The following CRTAC1 variants were observed in gnomAD, a reference collection of about 807,000 sequenced individuals.
The protein encoded by CRTAC1 is cartilage acidic protein 1.
A neutral mutation model predicts 67.8 loss-of-function variants in CRTAC1; 37 were observed. The observed-to-expected ratio is 0.55, with a 90% CI of 0.42 to 0.72. The LOEUF is 0.72. Among genes scored for constraint, CRTAC1 ranks in the 30% least tolerant of loss-of-function variants. The pLI is 0.00. For synonymous variants in CRTAC1, 348 were observed against 371.0 expected, an observed-to-expected ratio of 0.94 and a Z score of 0.71; for missense variants, 780 against 931.6, an observed-to-expected ratio of 0.84 and a Z score of 2.12.
At chr10:97,874,887 C>T (rs114525892) in intron 14 of CRTAC1, among the ~76,000 whole-genome samples, 80 of 152,290 alleles carry the variant, frequency 5.3e-4, no homozygotes, top group African/African-American at 1.9e-3. Context: ...TACTCTTCTC[C>T]AGCCCTCCAT....
chr10:97,886,314 A>T (rs954005520), intron 11 of CRTAC1, among the ~76,000 whole-genome samples: 1 of 151,812 alleles, frequency 6.6e-6, no homozygotes, highest in African/African-American at 2.4e-5. Flanking sequence ...TGCTGCTGCC[A>T]TGCTGTGAGC....
intron 12 of CRTAC1, 50 bp downstream of exon 12, chr10:97,884,156 G>A (rs1205280499): frequency 6.5e-7 from 1 of 1,539,030 alleles, no homozygotes; most frequent in Non-Finnish European, 8.8e-7. Flanking sequence ...CCATGGGGTT[G>A]TGGGTGGTGC....
At chr10:97,970,577 C>T (rs1251800836) in intron 2 of CRTAC1, among the ~76,000 whole-genome samples, 2 of 152,248 alleles carry the variant, frequency 1.3e-5, no homozygotes, top group African/African-American at 4.8e-5. Flanking sequence ...CAGCTAACCA[C>T]AGGGCTCCCT....
At chr10:97,867,169 T>C (rs1218064243) in intron 14 of CRTAC1, 1 of 152,124 alleles carries the variant, frequency 6.6e-6, no homozygotes, top group East Asian at 1.9e-4. Flanking sequence ...TTTAAGGCTT[T>C]GTAGGTGAGG....
chr10:97,898,825 G>A (rs1036074376), intron 8 of CRTAC1, among the ~76,000 whole-genome samples: 1 of 152,164 alleles, frequency 6.6e-6, no homozygotes, highest in Non-Finnish European at 1.5e-5. Context: ...GGGTGACCCT[G>A]CACACCGCAG....
At chr10:97,874,534 ATC>A (rs2050125473) in intron 14 of CRTAC1, among the ~76,000 whole-genome samples, 1 of 152,104 alleles carries the variant, frequency 6.6e-6, no homozygotes, top group Admixed American at 6.5e-5. Flanking sequence ...CGTCCTGCCC[ATC>A]TCTCCCACCA....
intron 5 of CRTAC1, 122 bp from the exon 6 acceptor site, chr10:97,908,269 G>A: frequency 1.9e-6 from 2 of 1,036,832 alleles, no homozygotes; most frequent in South Asian, 1.6e-5. Context: ...AGCCTGGGGG[G>A]AATTCTGCTT....
chr10:97,961,851 A>G (rs547345645), intron 2 of CRTAC1, among the ~76,000 whole-genome samples: 1 of 152,306 alleles, frequency 6.6e-6, no homozygotes, highest in South Asian at 2.1e-4. Flanking sequence ...TGCTCCATGC[A>G]TTGATCCCAC....
At chr10:97,887,624 A>G (rs1368933717) in intron 11 of CRTAC1, among the ~76,000 whole-genome samples, 1 of 152,220 alleles carries the variant, frequency 6.6e-6, no homozygotes, top group East Asian at 1.9e-4. Context: ...TGAGATAAGC[A>G]GGCCTCAGAA....
intron 14 of CRTAC1, chr10:97,869,133 G>A (rs1293162323): frequency 6.6e-6 from 1 of 152,366 alleles, no homozygotes; most frequent in Non-Finnish European, 1.5e-5. Context: ...CAGCCGTCCT[G>A]GGATTAGGAT....
At chr10:97,879,743 G>A (rs1480305603) in intron 14 of CRTAC1, 1 of 1,550,090 alleles carries the variant, frequency 6.5e-7, no homozygotes. Context: ...AGGCCCGAGA[G>A]AGAGGCTCAG....
rs181313263 is a variant in CRTAC1, at chr10:97,998,370, A to T, written c.224+12768T>A. Among the ~76,000 whole-genome samples the T allele has an allele frequency of 3.9e-3, 593 of 152,108 alleles. 2 individuals carry two copies. Among genetic ancestry groups the T allele is most frequent in the African/African-American group, 0.014 (561 of 41,508 alleles). Reference sequence around the variant, plus strand: ...AAGCACAGACCAGGTATTTTTTTTTAAAAAGAGATCCATATACACGATAGT... The same window carrying T: ...AAGCACAGACCAGGTATTTTTTTTTTAAAAGAGATCCATATACACGATAGT... On this transcript the variant is annotated intron_variant, in intron 2 of 14. Coordinates refer to ENST00000370597, the MANE Select transcript of CRTAC1 (RefSeq NM_018058.7).
intron 12 of CRTAC1, among the ~76,000 whole-genome samples, chr10:97,883,535 G>C (rs12263347): frequency 0.017 from 2,514 of 152,216 alleles, 74 homozygotes; most frequent in African/African-American, 0.057. Flanking sequence ...GGGGAAGAGG[G>C]GCCCCTCTCC....
rs760862564 is a variant in CRTAC1, at chr10:97,908,067, A to G, written c.796T>C (p.Phe266Leu). The G allele has an allele frequency of 6.2e-7, 1 of 1,614,172 alleles. No individual in the cohort carries two copies. The highest frequency in any genetic ancestry group is 8.5e-7 in the Non-Finnish European group (1 of 1,180,006). Residue 266 changes from phenylalanine (F) to leucine (L), a missense_variant, in exon 6 of 15, where the codon TTC (phenylalanine) becomes CTC (leucine). Physicochemically the swap from Phe to Leu is conservative, Grantham distance 22. Coordinates refer to ENST00000370597, the MANE Select transcript of CRTAC1 (RefSeq NM_018058.7). ...CCATCGCCCCGGTTGTGGAAAAGGAAGTTAGGCCCATTCTCATTGTCGCAG... is the reference window on the plus strand; with the variant it reads ...CCATCGCCCCGGTTGTGGAAAAGGAGGTTAGGCCCATTCTCATTGTCGCAG... ...IFCDNENGPN[F>L]LFHNRGDGTF... is the part of the protein sequence containing the mutation.
intron 2 of CRTAC1, among the ~76,000 whole-genome samples, chr10:97,942,751 A>AT (rs970133474): frequency 2.0e-4 from 31 of 151,310 alleles, no homozygotes; most frequent in African/African-American, 5.8e-4. Context: ...TTTCATTAAA[A>AT]TTTTTTTTCC....
chr10:97,913,728 G>A lies in CRTAC1; in HGVS notation c.715+3772C>T, dbSNP rs1052089903. The stretch of plus-strand genomic sequence containing the variant: ...GGGGGTCCCGGGCCCTGGCTGGGGA[G>A]CCTGTCACTCCAGCCCTGCCTGGTC... On this transcript the variant is annotated intron_variant, in intron 5 of 14. Transcript: ENST00000370597. 2.6e-5 allele frequency among the ~76,000 whole-genome samples: 4 copies of A among 152,248 alleles called. No homozygotes were observed. In the East Asian group the frequency reaches 7.7e-4, roughly 29 times the overall value.
At chr10:97,977,044 A>G (rs1200457836) in intron 2 of CRTAC1, among the ~76,000 whole-genome samples, 2 of 152,250 alleles carry the variant, frequency 1.3e-5, no homozygotes, top group East Asian at 3.8e-4. Context: ...AAGATGTCAC[A>G]GGAAAAGTGG....
chr10:97,878,798 T>C lies in CRTAC1; in HGVS notation c.1819+1451A>G. The C allele has an allele frequency of 1.6e-5, 16 of 1,009,328 alleles. No individual in the cohort carries two copies. The South Asian group carries it at 1.9e-4, about 12-fold the overall frequency. The allele number at this position is 1,009,328 out of a possible 1,614,324, so 62.5% of individuals were successfully genotyped here. A position where few individuals can be genotyped will look rare whatever the true frequency, so the allele number is the denominator to read the frequency against. On this transcript the variant is annotated intron_variant, in intron 14 of 14. Coordinates refer to ENST00000370597, the MANE Select transcript of CRTAC1 (RefSeq NM_018058.7). ...ATATACCAGCCCAACTCTCTTGTCATCTACATTAGGGAAACTGAGGCACAG... is the reference window on the plus strand; with the variant it reads ...ATATACCAGCCCAACTCTCTTGTCACCTACATTAGGGAAACTGAGGCACAG...
At chr10:97,979,381 C>T (rs1246138375) in intron 2 of CRTAC1, among the ~76,000 whole-genome samples, 1 of 152,186 alleles carries the variant, frequency 6.6e-6, no homozygotes, top group Non-Finnish European at 1.5e-5. Flanking sequence ...GGGGAAGGAA[C>T]AAGAGAATCC....
Sources: gnomAD v4.1 joint callset for allele counts (sites outside exome capture counted in the v4.1 genomes callset) on GRCh38, gnomAD v4.1.1 for gene constraint, MANE v1.5 for transcripts, NCBI Gene and HGNC (gene_info 2026-07-23, HGNC 2026-07-21) for gene names.